Variants in CNTN3 observed in about 807,000 individuals in gnomAD.
CNTN3 encodes the protein contactin 3.
In CNTN3, 60 loss-of-function variants were observed where a neutral mutation model predicts 119.1. That is an observed-to-expected ratio of 0.50 (90% CI 0.41 to 0.62). CNTN3 has a LOEUF of 0.62. CNTN3 is among the 20% of genes least tolerant of loss of function. CNTN3 has a pLI of 0.00. For missense variants in CNTN3, 1,101 were observed against 1,242.4 expected, an observed-to-expected ratio of 0.89 and a Z score of 1.71; for synonymous variants, 450 against 438.7, an observed-to-expected ratio of 1.03 and a Z score of -0.32.
In CNTN3 at chr3:74,430,192, A is replaced by G. The variant is rs565168486; in HGVS notation, c.359-5252T>C. Among the ~76,000 whole-genome samples, 4 of 152,298 alleles carry G rather than the reference A, an allele frequency of 2.6e-5. No homozygotes were observed. In the South Asian group the frequency reaches 8.3e-4, roughly 32 times the overall value. ...TTGTTCATACAAAAATCTGTACATA[A>G]AAGTTCGCAGAGTTTTATGTCTAAC... On this transcript the variant is annotated intron_variant, in intron 4 of 22. Coordinates refer to ENST00000263665, the MANE Select transcript of CNTN3 (RefSeq NM_020872.3).
chr3:74,311,200 C>T (rs910739022), intron 13 of CNTN3, among the ~76,000 whole-genome samples: 3 of 152,120 alleles, frequency 2.0e-5, no homozygotes, highest in African/African-American at 7.2e-5. Flanking sequence ...GAGAGTTGCT[C>T]CCAAAGAGAT....
chr3:74,530,989 T>C (rs1183160865), intron 1 of CNTN3, among the ~76,000 whole-genome samples: 4 of 151,920 alleles, frequency 2.6e-5, no homozygotes, highest in African/African-American at 2.4e-5. Context: ...ATCCATCAAG[T>C]TGAACTTGCT....
At chr3:74,424,755 G>T in intron 5 of CNTN3, 90 bp downstream of exon 5, 1 of 1,050,518 alleles carries the variant, frequency 9.5e-7, no homozygotes, top group Non-Finnish European at 1.5e-6. Context: ...GTTTCTCAGA[G>T]TAATTTACAG....
chr3:74,614,492 C>T lies in CNTN3; in HGVS notation c.-182G>A, dbSNP rs917856948. ...CGCCGCCGCCGCAGTTAGTCCGGGC[C>T]CGGGGGGCCGCCGTGCGCGCCCGCG... On this transcript the variant is annotated 5_prime_UTR_variant, in exon 1 of 23. Coordinates refer to ENST00000263665, the MANE Select transcript of CNTN3 (RefSeq NM_020872.3). 1.8e-4 allele frequency among the ~76,000 whole-genome samples: 26 copies of T among 146,066 alleles called. No homozygotes were observed. Among genetic ancestry groups the T allele is most frequent in the Admixed American group, 8.9e-4 (13 of 14,654 alleles).
chr3:74,285,895 T>C (rs1400630516), intron 19 of CNTN3, among the ~76,000 whole-genome samples: 1 of 147,628 alleles, frequency 6.8e-6, no homozygotes, highest in Non-Finnish European at 1.5e-5. Context: ...TCTGTAAGTA[T>C]TGCTGTGTTC....
rs190184718 is a variant in CNTN3, at chr3:74,273,330, C to T, written c.2705-5952G>A. On this transcript the variant is annotated intron_variant, in intron 20 of 22. Transcript: ENST00000263665. Reference sequence around the variant, plus strand: ...GCAGGCCTAGACTGCAGCTCCGACTCGGATGGACAGAGCAGTGTGTGGAGG... The same window carrying T: ...GCAGGCCTAGACTGCAGCTCCGACTTGGATGGACAGAGCAGTGTGTGGAGG... 1.9e-4 allele frequency among the ~76,000 whole-genome samples: 29 copies of T among 152,304 alleles called. No homozygotes were observed. The East Asian group carries it at 5.2e-3, about 27-fold the overall frequency.
At chr3:74,301,350 A>C (rs762480767) in intron 16 of CNTN3, 48 bp downstream of exon 16, 2 of 1,574,882 alleles carry the variant, frequency 1.3e-6, no homozygotes, top group Non-Finnish European at 1.7e-6. Context: ...GGGAAATGGA[A>C]GTACACAGAA....
At chr3:74,509,218 C>T (rs1703319251) in intron 2 of CNTN3, among the ~76,000 whole-genome samples, 1 of 151,996 alleles carries the variant, frequency 6.6e-6, no homozygotes, top group Non-Finnish European at 1.5e-5. Flanking sequence ...ACATGGGATG[C>T]TAGGCCCAGT....
intron 5 of CNTN3, among the ~76,000 whole-genome samples, chr3:74,422,587 T>G (rs1392054913): frequency 1.3e-5 from 2 of 152,214 alleles, no homozygotes; most frequent in African/African-American, 4.8e-5. Context: ...ATGTTCACTC[T>G]GTGCATACTT....
At chr3:74,610,277 C>T (rs1304662346) in intron 1 of CNTN3, among the ~76,000 whole-genome samples, 1 of 151,594 alleles carries the variant, frequency 6.6e-6, no homozygotes, top group Non-Finnish European at 1.5e-5. Flanking sequence ...GAACCATGAT[C>T]GCACCACTGC....
chr3:74,478,848 A>G (rs1279043552), intron 4 of CNTN3, among the ~76,000 whole-genome samples: 1 of 152,184 alleles, frequency 6.6e-6, no homozygotes, highest in East Asian at 1.9e-4. Context: ...AGGGAAGAAA[A>G]CATAAAAGCA....
intron 1 of CNTN3, among the ~76,000 whole-genome samples, chr3:74,535,626 A>G (rs988817260): frequency 6.6e-6 from 1 of 152,102 alleles, no homozygotes; most frequent in African/African-American, 2.4e-5. Context: ...GAGGGCTGTC[A>G]ATGCGATACA....
intron 13 of CNTN3, 64 bp downstream of exon 13, chr3:74,334,671 T>C: frequency 1.4e-6 from 2 of 1,450,710 alleles, no homozygotes; most frequent in Non-Finnish European, 1.9e-6. Flanking sequence ...TCAGACAGTT[T>C]TCAGAAGCAA....
chr3:74,592,496 T>C (rs6809061), intron 1 of CNTN3, among the ~76,000 whole-genome samples: 90 of 151,108 alleles, frequency 6.0e-4, no homozygotes, highest in African/African-American at 1.3e-3. Context: ...CACACACACA[T>C]ACACACAGTA....
At chr3:74,408,437 A>T (rs1317039667) in intron 5 of CNTN3, among the ~76,000 whole-genome samples, 1 of 152,192 alleles carries the variant, frequency 6.6e-6, no homozygotes, top group Non-Finnish European at 1.5e-5. Context: ...AGTCAAAGAT[A>T]CGGCATGCTC....
intron 13 of CNTN3, among the ~76,000 whole-genome samples, chr3:74,326,433 G>C (rs549332881): frequency 6.6e-6 from 1 of 151,950 alleles, no homozygotes; most frequent in Admixed American, 6.6e-5. Flanking sequence ...AATAATTAGC[G>C]CATCTGTCAC....
chr3:74,402,964 T>A (rs1005723723), intron 5 of CNTN3, among the ~76,000 whole-genome samples: 17 of 152,108 alleles, frequency 1.1e-4, no homozygotes, highest in African/African-American at 3.6e-4. Flanking sequence ...AAGAGGACAA[T>A]AATTCTAGGT....
intron 13 of CNTN3, among the ~76,000 whole-genome samples, chr3:74,320,939 A>C (rs1464393672): frequency 2.0e-5 from 3 of 151,654 alleles, no homozygotes; most frequent in Non-Finnish European, 4.4e-5. Flanking sequence ...CAATAAATAT[A>C]TGTTGAATTG....
intron 13 of CNTN3, among the ~76,000 whole-genome samples, chr3:74,319,639 T>C (rs2106666953): frequency 6.6e-6 from 1 of 151,654 alleles, no homozygotes; most frequent in East Asian, 2.0e-4. Flanking sequence ...CCAAAAACAA[T>C]GGCAACAAAA....
Sources: gnomAD v4.1 joint callset for allele counts (sites outside exome capture counted in the v4.1 genomes callset) on GRCh38, gnomAD v4.1.1 for gene constraint, MANE v1.5 for transcripts, NCBI Gene and HGNC (gene_info 2026-07-23, HGNC 2026-07-21) for gene names.